MTUS2: variants seen among roughly 807,000 people sequenced by gnomAD.
MTUS2 encodes microtubule associated scaffold protein 2, also known as microtubule-associated tumor suppressor candidate 2.
A neutral mutation model predicts 114.1 loss-of-function variants in MTUS2; 40 were observed. That is an observed-to-expected ratio of 0.35 (90% CI 0.27 to 0.46). MTUS2 has a LOEUF of 0.46. MTUS2 is among the 20% of genes least tolerant of loss of function. The pLI is 1.00. For synonymous variants in MTUS2, 688 were observed against 672.0 expected (o/e 1.02, Z -0.37); for missense variants, 1,679 against 1,705.4 (o/e 0.98, Z 0.27).
Position 29,212,114 on chromosome 13 carries a change from G to A in MTUS2, c.2645-69590G>A, listed in dbSNP as rs1387335689. On this transcript the variant is annotated intron_variant, in intron 5 of 15. Coordinates refer to ENST00000612955, the MANE Select transcript of MTUS2 (RefSeq NM_001033602.4). ...TTTCTCTGTATATGTTGTAGTTACA[G>A]TCCACAAATTTTGACACATTGGGTT... Among the ~76,000 whole-genome samples, 3 of 152,136 alleles carry A rather than the reference G, an allele frequency of 2.0e-5. 1 individual carries two copies. The highest frequency in any genetic ancestry group is 7.2e-5 in the African/African-American group (3 of 41,490).
intron 5 of MTUS2, 63 bp downstream of exon 5, chr13:29,101,033 T>C (rs1170287628): frequency 2.1e-6 from 3 of 1,422,936 alleles, no homozygotes; most frequent in Admixed American, 5.5e-5. Context: ...CCTGTGTAAC[T>C]GTGTGTCATT....
intron 2 of MTUS2, among the ~76,000 whole-genome samples, chr13:28,994,960 A>T (rs1238902777): frequency 6.6e-6 from 1 of 151,742 alleles, no homozygotes; most frequent in African/African-American, 2.4e-5. Flanking sequence ...GGTGTTTTAG[A>T]CATGAAGTCC....
chr13:28,978,992 T>C (rs1422888609), intron 2 of MTUS2, among the ~76,000 whole-genome samples: 1 of 152,172 alleles, frequency 6.6e-6, no homozygotes, highest in African/African-American at 2.4e-5. Flanking sequence ...AGCAGCCCCG[T>C]GGATCATTCA....
intron 9 of MTUS2, among the ~76,000 whole-genome samples, chr13:29,440,951 C>T (rs1350742833): frequency 6.6e-6 from 1 of 152,238 alleles, no homozygotes; most frequent in Non-Finnish European, 1.5e-5. Context: ...CCAAGCATAG[C>T]TTTCCCCAAC....
intron 2 of MTUS2, among the ~76,000 whole-genome samples, chr13:28,944,992 C>T (rs1413145614): frequency 6.6e-6 from 1 of 152,148 alleles, no homozygotes; most frequent in African/African-American, 2.4e-5. Context: ...TAAAACCCTT[C>T]TGAGTCTCCA....
chr13:29,135,502 T>A (rs1267496243), intron 5 of MTUS2, among the ~76,000 whole-genome samples: 1 of 152,240 alleles, frequency 6.6e-6, no homozygotes, highest in African/African-American at 2.4e-5. Context: ...TCTCTTTTGA[T>A]TGGAGAGTTT....
intron 4 of MTUS2, among the ~76,000 whole-genome samples, chr13:29,055,100 A>T (rs1180641904): frequency 6.6e-6 from 1 of 152,088 alleles, no homozygotes; most frequent in Non-Finnish European, 1.5e-5. Flanking sequence ...TTTTTTAAAA[A>T]ATTTGTTCTA....
chr13:29,315,220 A>G (rs1357115412), intron 6 of MTUS2, among the ~76,000 whole-genome samples: 2 of 152,196 alleles, frequency 1.3e-5, no homozygotes, highest in Admixed American at 6.5e-5. Context: ...GCAAAATTAC[A>G]GTTAGAAGGA....
intron 7 of MTUS2, among the ~76,000 whole-genome samples, chr13:29,352,904 A>G (rs1869412253): frequency 6.6e-6 from 1 of 152,094 alleles, no homozygotes; most frequent in African/African-American, 2.4e-5. Context: ...TTTTCTCTAC[A>G]GTTCTTATTT....
intron 2 of MTUS2, among the ~76,000 whole-genome samples, chr13:28,844,624 TGA>T (rs925336277): frequency 6.6e-5 from 10 of 151,496 alleles, no homozygotes; most frequent in African/African-American, 2.4e-4. Flanking sequence ...TGTGTGTGTG[TGA>T]GAGAGAGAGA....
At chr13:29,006,613 T>C (rs1885612918) in intron 2 of MTUS2, among the ~76,000 whole-genome samples, 1 of 152,186 alleles carries the variant, frequency 6.6e-6, no homozygotes, top group Non-Finnish European at 1.5e-5. Flanking sequence ...ACCTCTGCTT[T>C]GTATGGATGG....
At chr13:28,949,040 G>A (rs974156375) in intron 2 of MTUS2, among the ~76,000 whole-genome samples, 1 of 152,160 alleles carries the variant, frequency 6.6e-6, no homozygotes, top group Non-Finnish European at 1.5e-5. Flanking sequence ...TATATAAAAG[G>A]GAACATGTGT....
chr13:29,504,843 T>C lies in MTUS2; in HGVS notation c.*1637T>C, dbSNP rs1337696557. On this transcript the variant is annotated 3_prime_UTR_variant, in exon 16 of 16. Transcript: ENST00000612955. ...GGCGAGAAGAACCATGAGGGGGTCC[T>C]GCAGGGGCCGGAGCCATGGAACGGG... 1.3e-5 allele frequency: 3 copies of C among 232,682 alleles called. No individual in the cohort carries two copies. The highest frequency in any genetic ancestry group is 2.5e-5 in the Non-Finnish European group (3 of 117,796). The allele number at this position is 232,682 out of a possible 1,614,324, so 14.4% of individuals were successfully genotyped here.
intron 2 of MTUS2, among the ~76,000 whole-genome samples, chr13:28,975,404 G>A (rs969541207): frequency 5.3e-5 from 8 of 152,058 alleles, no homozygotes; most frequent in South Asian, 2.1e-4. Flanking sequence ...TCCTGGTCCC[G>A]GCTCTGACTC....
At chr13:29,397,105 T>C (rs1379675986) in intron 8 of MTUS2, among the ~76,000 whole-genome samples, 1 of 152,064 alleles carries the variant, frequency 6.6e-6, no homozygotes, top group Admixed American at 6.6e-5. Flanking sequence ...GACTGTAGGT[T>C]TCACTAGGTT....
At chr13:29,325,489 A>G (rs1465848931) in intron 7 of MTUS2, among the ~76,000 whole-genome samples, 20,425 of 107,196 alleles carry the variant, frequency 0.19, 1,911 homozygotes, top group Non-Finnish European at 0.24. Context: ...GAAGAGGAAG[A>G]GGGAGGAGGA....
chr13:29,031,112 G>T (rs1314966882), intron 3 of MTUS2, among the ~76,000 whole-genome samples: 2 of 152,232 alleles, frequency 1.3e-5, no homozygotes, highest in African/African-American at 2.4e-5. Flanking sequence ...AGGATGGAGT[G>T]AGGCGATGTG....
chr13:29,289,278 A>C (rs1179112392), intron 6 of MTUS2, among the ~76,000 whole-genome samples: 2 of 151,832 alleles, frequency 1.3e-5, no homozygotes, highest in South Asian at 4.2e-4. Flanking sequence ...ACTCCTGCAG[A>C]GAGGCTGGGT....
At chr13:28,839,129 A>C (rs1875298994) in intron 1 of MTUS2, among the ~76,000 whole-genome samples, 1 of 152,184 alleles carries the variant, frequency 6.6e-6, no homozygotes, top group Admixed American at 6.5e-5. Context: ...ATGCCTCCAC[A>C]TTTGGGAGGA....
Sources: gnomAD v4.1 joint callset for allele counts (sites outside exome capture counted in the v4.1 genomes callset) on GRCh38, gnomAD v4.1.1 for gene constraint, MANE v1.5 for transcripts, NCBI Gene and HGNC (gene_info 2026-07-23, HGNC 2026-07-21) for gene names.